The following SLX4IP variants were observed in gnomAD, a reference collection of about 807,000 sequenced individuals.
The protein encoded by SLX4IP is SLX4 interacting protein.
Under a neutral mutation model 32.9 loss-of-function variants are expected in SLX4IP, and 34 were observed. The observed-to-expected ratio is 1.03, with a 90% CI of 0.79 to 1.38. SLX4IP has a LOEUF of 1.38. Among genes scored for constraint, SLX4IP ranks in the 40% most tolerant of loss-of-function variants. SLX4IP has a pLI of 0.00. For synonymous variants in SLX4IP, 172 were observed against 171.7 expected (o/e 1.00, Z -0.01); for missense variants, 444 against 479.0 (o/e 0.93, Z 0.68).
At chr20:10,477,441 GTTT>G (rs1445227534) in intron 2 of SLX4IP, among the ~76,000 whole-genome samples, 2 of 152,164 alleles carry the variant, frequency 1.3e-5, no homozygotes, top group Admixed American at 6.5e-5. Context: ...GATTTTTTGT[GTTT>G]TTAGTAGAAA....
rs577602381 is a variant in SLX4IP, at chr20:10,596,653, CT to C, written c.239-2013del. ...CAAAGGTAGAATAACAGATATTATACTTTTTTTTTCTCAGTTCTTTGGAAGA... is the reference window on the plus strand; with the variant it reads ...CAAAGGTAGAATAACAGATATTATACTTTTTTTTCTCAGTTCTTTGGAAGA... On this transcript the variant is annotated intron_variant, in intron 4 of 7. Coordinates refer to ENST00000334534, the MANE Select transcript of SLX4IP (RefSeq NM_001009608.3). Among the ~76,000 whole-genome samples the C allele has an allele frequency of 2.9e-3, 445 of 151,822 alleles. 2 individuals carry two copies. The highest frequency in any genetic ancestry group is 0.01 in the African/African-American group (430 of 41,416).
At chr20:10,452,580 C>T (rs578221310) in intron 1 of SLX4IP, among the ~76,000 whole-genome samples, 1 of 150,932 alleles carries the variant, frequency 6.6e-6, no homozygotes, top group East Asian at 1.9e-4. Context: ...ACAGGAGAAT[C>T]GCTTGAACCC....
chr20:10,454,436 T>A lies in SLX4IP; in HGVS notation c.-29-3740T>A, dbSNP rs190326535. On this transcript the variant is annotated intron_variant, in intron 1 of 7. Coordinates refer to ENST00000334534, the MANE Select transcript of SLX4IP (RefSeq NM_001009608.3). ...AGGTCTCTGTATTTGTATTCCCTAATGTCTCTTTGTTCAGAAGACTCCACC... is the reference window on the plus strand; with the variant it reads ...AGGTCTCTGTATTTGTATTCCCTAAAGTCTCTTTGTTCAGAAGACTCCACC... Among the ~76,000 whole-genome samples, 1,103 of 152,342 alleles carry A rather than the reference T, an allele frequency of 7.2e-3. 43 individuals carry two copies. The highest frequency in any genetic ancestry group is 0.065 in the Admixed American group (989 of 15,296).
intron 4 of SLX4IP, among the ~76,000 whole-genome samples, chr20:10,568,845 T>G (rs917645731): frequency 6.6e-6 from 1 of 152,246 alleles, no homozygotes; most frequent in Non-Finnish European, 1.5e-5. Flanking sequence ...ACAGTCATGC[T>G]GTGCCCTTCG....
At chr20:10,584,725 A>C (rs764800485) in intron 4 of SLX4IP, among the ~76,000 whole-genome samples, 1 of 152,200 alleles carries the variant, frequency 6.6e-6, no homozygotes, top group Non-Finnish European at 1.5e-5. Context: ...ATGATTGGGA[A>C]TTGGAAAGAC....
chr20:10,598,677 T>A lies in SLX4IP; in HGVS notation c.241T>A (p.Tyr81Asn). ...TGATGTTCCCTTTCACTTTCCAGGT[T>A]ATGGCTTTCAAATCACAGCCTATTT... Reference protein sequence around the residue: ...TRSNPLSLKGYGFQITAYFLK... With the variant: ...TRSNPLSLKGNGFQITAYFLK... The change falls in exon 5 of 8, where the codon TAT (tyrosine) becomes AAT (asparagine). Residue 81 changes from tyrosine (Y) to asparagine (N), a missense_variant and splice_region_variant. By Grantham distance (143) the Tyr-to-Asn change is moderately radical (BLOSUM62 -2). Transcript: ENST00000334534. 1 of 1,614,076 alleles carries A rather than the reference T, an allele frequency of 6.2e-7. No individual in the cohort carries two copies.
chr20:10,559,883 A>G (rs947934078), intron 3 of SLX4IP, among the ~76,000 whole-genome samples: 1 of 152,214 alleles, frequency 6.6e-6, no homozygotes, highest in Non-Finnish European at 1.5e-5. Flanking sequence ...AAACAAAGGC[A>G]TATACAGTAT....
chr20:10,462,337 G>A (rs1194897555), intron 2 of SLX4IP, among the ~76,000 whole-genome samples: 3 of 152,202 alleles, frequency 2.0e-5, no homozygotes, highest in Non-Finnish European at 4.4e-5. Flanking sequence ...AGAGCTGTGA[G>A]TGAATACACA....
chr20:10,466,801 T>TA (rs1360623297), intron 2 of SLX4IP, among the ~76,000 whole-genome samples: 1 of 151,878 alleles, frequency 6.6e-6, no homozygotes, highest in African/African-American at 2.4e-5. Flanking sequence ...TTTCTGAATC[T>TA]AAAGTAAAAG....
chr20:10,512,778 C>CTATATATATATATATATATATA (rs57942782), intron 2 of SLX4IP, among the ~76,000 whole-genome samples: 5 of 25,646 alleles, frequency 1.9e-4, no homozygotes, highest in Non-Finnish European at 2.9e-4. Context: ...CACACACACT[C>CTATATATATATATATATATATA]TATATATATA....
intron 2 of SLX4IP, among the ~76,000 whole-genome samples, chr20:10,502,918 C>A (rs1318154065): frequency 6.6e-6 from 1 of 152,128 alleles, no homozygotes; most frequent in Non-Finnish European, 1.5e-5. Flanking sequence ...AGAGAATTTG[C>A]CAGTAGTATG....
intron 1 of SLX4IP, among the ~76,000 whole-genome samples, chr20:10,451,532 G>C (rs931264128): frequency 2.0e-5 from 3 of 152,094 alleles, no homozygotes; most frequent in African/African-American, 7.2e-5. Flanking sequence ...AGTGTCTATT[G>C]AGCACCTGAC....
intron 2 of SLX4IP, among the ~76,000 whole-genome samples, chr20:10,483,815 A>G (rs1447352178): frequency 8.2e-6 from 1 of 122,048 alleles, no homozygotes; most frequent in South Asian, 3.0e-4. Context: ...AAAGGAGGTC[A>G]TAAAACCTAG....
chr20:10,469,605 A>G (rs969005267), intron 2 of SLX4IP, among the ~76,000 whole-genome samples: 1 of 152,212 alleles, frequency 6.6e-6, no homozygotes, highest in African/African-American at 2.4e-5. Context: ...ATTCTAGTGT[A>G]AAAATTAATT....
intron 3 of SLX4IP, among the ~76,000 whole-genome samples, chr20:10,557,023 C>T (rs372361933): frequency 6.6e-6 from 1 of 152,222 alleles, no homozygotes. Context: ...TGCTTTGCCT[C>T]CTTCTCTGAT....
chr20:10,558,507 T>A (rs925120022), intron 3 of SLX4IP, among the ~76,000 whole-genome samples: 1 of 152,174 alleles, frequency 6.6e-6, no homozygotes, highest in South Asian at 2.1e-4. Flanking sequence ...CTCTCATGAT[T>A]GGGATTTTAT....
In SLX4IP at chr20:10,601,768, C is replaced by A; in HGVS notation, c.354C>A (p.Val118=). 6.2e-7 allele frequency: 1 copy of A among 1,613,942 alleles called. No homozygotes were observed. The highest frequency in any genetic ancestry group is 8.5e-7 in the Non-Finnish European group (1 of 1,179,956). The part of the protein sequence containing the change: ...CVFPDRFVVC[V]SQLAFSRDLL... ...TCCCTGACAGATTTGTGGTTTGTGTCAGTCAGCTTGCATTCAGTCGTGATC... is the reference window on the plus strand; with the variant it reads ...TCCCTGACAGATTTGTGGTTTGTGTAAGTCAGCTTGCATTCAGTCGTGATC... The change falls in exon 6 of 8, where the codon GTC becomes GTA. Residue 118 remains valine, a synonymous_variant. Transcript: ENST00000334534.
At chr20:10,496,594 T>C (rs1025863542) in intron 2 of SLX4IP, among the ~76,000 whole-genome samples, 5 of 152,086 alleles carry the variant, frequency 3.3e-5, no homozygotes, top group African/African-American at 9.7e-5. Context: ...GCTTTATGGC[T>C]GCAGGCTGGC....
At chr20:10,467,528 A>G (rs555980422) in intron 2 of SLX4IP, among the ~76,000 whole-genome samples, 1 of 152,298 alleles carries the variant, frequency 6.6e-6, no homozygotes, top group South Asian at 2.1e-4. Context: ...AATTTCATGT[A>G]TTCCTTGTAA....
Sources: allele counts gnomAD v4.1 joint callset (sites outside exome capture counted in the v4.1 genomes callset), GRCh38; gene constraint gnomAD v4.1.1; transcripts MANE v1.5; gene names NCBI Gene and HGNC (gene_info 2026-07-23, HGNC 2026-07-21).